The following PHLDB2 variants were observed in gnomAD, a reference collection of about 807,000 sequenced individuals.
The protein encoded by PHLDB2 is pleckstrin homology-like domain family B member 2.
PHLDB2 carries 71 observed loss-of-function variants against 123.6 expected under a neutral mutation model. That is an observed-to-expected ratio of 0.57 (90% CI 0.47 to 0.70). The LOEUF (loss-of-function observed/expected upper bound fraction) is 0.70. Among genes scored for constraint, PHLDB2 ranks in the 30% least tolerant of loss-of-function variants. The pLI is 0.00. For missense variants in PHLDB2, 1,446 were observed against 1,519.5 expected, an observed-to-expected ratio of 0.95 and a Z score of 0.80; for synonymous variants, 547 against 541.6, an observed-to-expected ratio of 1.01 and a Z score of -0.14.
At chr3:111,891,065 G>T (rs17491120) in intron 2 of PHLDB2, among the ~76,000 whole-genome samples, 10,115 of 152,100 alleles carry the variant, frequency 0.067, 373 homozygotes, top group Middle Eastern at 0.082. Flanking sequence ...ACATCCATTT[G>T]GACTGGTTGG....
intron 2 of PHLDB2, among the ~76,000 whole-genome samples, chr3:111,852,466 C>T (rs575932354): frequency 1.5e-4 from 23 of 150,314 alleles, no homozygotes; most frequent in African/African-American, 5.1e-4. Flanking sequence ...TTATGTATAA[C>T]ATTAAGGACA....
chr3:111,816,987 G>C (rs1447167006), intron 1 of PHLDB2, among the ~76,000 whole-genome samples: 2 of 152,150 alleles, frequency 1.3e-5, no homozygotes, highest in Admixed American at 6.6e-5. Context: ...CCCTGCACAA[G>C]CTCTCTTTTT....
chr3:111,782,409 T>C (rs3922705), intron 1 of PHLDB2, among the ~76,000 whole-genome samples: 7,430 of 152,212 alleles, frequency 0.049, 247 homozygotes, highest in Middle Eastern at 0.071. Context: ...TGCTCTGGCC[T>C]ACCATGAGCC....
chr3:111,928,521 A>G (rs981222901), intron 5 of PHLDB2, among the ~76,000 whole-genome samples: 1 of 152,172 alleles, frequency 6.6e-6, no homozygotes, highest in South Asian at 2.1e-4. Flanking sequence ...ACATTGTTCT[A>G]ATGGGTTAAC....
chr3:111,772,220 T>A (rs1440673821), intron 1 of PHLDB2, among the ~76,000 whole-genome samples: 1 of 152,188 alleles, frequency 6.6e-6, no homozygotes, highest in Non-Finnish European at 1.5e-5. Flanking sequence ...TTCTTACTGT[T>A]ACTATTTTTC....
chr3:111,786,226 A>G (rs1236909507), intron 1 of PHLDB2, among the ~76,000 whole-genome samples: 1 of 152,202 alleles, frequency 6.6e-6, no homozygotes, highest in Non-Finnish European at 1.5e-5. Context: ...CTGTAAATGC[A>G]ATGTAAATAG....
Position 111,788,160 on chromosome 3 carries a change from A to G in PHLDB2, c.-49+55457A>G, listed in dbSNP as rs2060770764. ...TCAGCCCTAAATGTGCTTAAAGGAC[A>G]AAGGAAGGAAACTCAGTCACAGAAA... On this transcript the variant is annotated intron_variant, in intron 1 of 17. Coordinates refer to the PHLDB2 transcript ENST00000393923. Among the ~76,000 whole-genome samples, 3 of 152,362 alleles carry G rather than the reference A, an allele frequency of 2.0e-5. No individual in the cohort carries two copies. The South Asian group carries it at 6.2e-4, about 32-fold the overall frequency.
chr3:111,862,845 C>G (rs1487679592), intron 1 of PHLDB2, among the ~76,000 whole-genome samples: 3 of 152,166 alleles, frequency 2.0e-5, no homozygotes, highest in Non-Finnish European at 2.9e-5. Flanking sequence ...CCTCAGAGAT[C>G]ACTTAATTTC....
In PHLDB2 at chr3:111,803,007, A is replaced by G. The variant is rs551845681; in HGVS notation, c.-48-42814A>G. On this transcript the variant is annotated intron_variant, in intron 1 of 17. Transcript: ENST00000393923. ...TATCAGGTAGCAACAAGGATGTCAC[A>G]GATTTAATGAGTATAGGGGATGTTG... 5.3e-5 allele frequency among the ~76,000 whole-genome samples: 8 copies of G among 152,380 alleles called. 1 individual carries two copies. The South Asian group carries it at 1.7e-3, about 32-fold the overall frequency.
intron 1 of PHLDB2, among the ~76,000 whole-genome samples, chr3:111,839,514 ACATTAT>A (rs1016917585): frequency 2.6e-5 from 4 of 152,198 alleles, no homozygotes; most frequent in African/African-American, 9.7e-5. Flanking sequence ...TTTAAAATTA[ACATTAT>A]CTTTAGCATT....
chr3:111,901,542 G>T (rs1356773171), intron 2 of PHLDB2, among the ~76,000 whole-genome samples: 2 of 151,052 alleles, frequency 1.3e-5, no homozygotes, highest in Non-Finnish European at 3.0e-5. Context: ...TAAAGGATAG[G>T]ATATGTTTTC....
At chr3:111,836,293 C>G (rs2063391322) in intron 1 of PHLDB2, among the ~76,000 whole-genome samples, 1 of 152,156 alleles carries the variant, frequency 6.6e-6, no homozygotes, top group Non-Finnish European at 1.5e-5. Context: ...CTTTAAGTCC[C>G]CAACAGAGCA....
At position 111,948,915 on chromosome 3, in the gene PHLDB2, T is replaced by A. The variant is rs761455215; in HGVS notation, c.2488-17T>A. On this transcript the variant is annotated splice_polypyrimidine_tract_variant and intron_variant, in intron 9 of 17. Coordinates refer to ENST00000431670, the MANE Select transcript of PHLDB2 (RefSeq NM_001134438.2). ...TTTTGCTTTCTTTGTGTTTAACTTCTGAATTCCTCCTTTTAGGGCTATATC... is the reference window on the plus strand; with the variant it reads ...TTTTGCTTTCTTTGTGTTTAACTTCAGAATTCCTCCTTTTAGGGCTATATC... 1 of 1,612,874 alleles carries A rather than the reference T, an allele frequency of 6.2e-7. No individual in the cohort carries two copies. The highest frequency in any genetic ancestry group is 2.2e-5 in the East Asian group (1 of 44,872).
chr3:111,909,548 T>C (rs575599643), intron 2 of PHLDB2, among the ~76,000 whole-genome samples: 6 of 152,302 alleles, frequency 3.9e-5, no homozygotes, highest in Non-Finnish European at 8.8e-5. Flanking sequence ...CAGTGAGCTA[T>C]GAGTGCACCA....
intron 2 of PHLDB2, among the ~76,000 whole-genome samples, chr3:111,895,588 C>T (rs1158146913): frequency 6.6e-6 from 1 of 152,190 alleles, no homozygotes; most frequent in Non-Finnish European, 1.5e-5. Flanking sequence ...TGGCTCACGC[C>T]TGTAATCCCA....
intron 9 of PHLDB2, among the ~76,000 whole-genome samples, chr3:111,946,222 A>C (rs1167582976): frequency 1.3e-5 from 2 of 152,180 alleles, no homozygotes; most frequent in African/African-American, 4.8e-5. Context: ...GGGTTTCGCC[A>C]TATTGGTCAG....
intron 2 of PHLDB2, among the ~76,000 whole-genome samples, chr3:111,888,818 A>T (rs900849015): frequency 6.6e-6 from 1 of 152,210 alleles, no homozygotes; most frequent in Admixed American, 6.5e-5. Context: ...AATTTTTAAA[A>T]TTTTATTACT....
At chr3:111,937,096 A>G (rs956496907) in intron 6 of PHLDB2, among the ~76,000 whole-genome samples, 1 of 152,196 alleles carries the variant, frequency 6.6e-6, no homozygotes, top group Non-Finnish European at 1.5e-5. Context: ...AGAAATGTTG[A>G]ATATGTTTTT....
chr3:111,755,031 T>C (rs2059858544), intron 1 of PHLDB2, among the ~76,000 whole-genome samples: 1 of 152,054 alleles, frequency 6.6e-6, no homozygotes, highest in Non-Finnish European at 1.5e-5. Flanking sequence ...AGCTTTTTGA[T>C]GTGCTGCTGG....
Sources: gnomAD v4.1 joint callset for allele counts (sites outside exome capture counted in the v4.1 genomes callset) on GRCh38, gnomAD v4.1.1 for gene constraint, MANE v1.5 for transcripts, NCBI Gene and HGNC (gene_info 2026-07-23, HGNC 2026-07-21) for gene names.